The following IMPDH2 variants were observed in gnomAD, a reference collection of about 807,000 sequenced individuals.
IMPDH2 encodes the protein inosine monophosphate dehydrogenase 2, also known as inosine-5'-monophosphate dehydrogenase 2.
In IMPDH2, 33 loss-of-function variants were observed where a neutral mutation model predicts 57.8. That is an observed-to-expected ratio of 0.57 (90% CI 0.43 to 0.76). The LOEUF is 0.76. IMPDH2 is among the 30% of genes least tolerant of loss of function. IMPDH2 has a pLI of 0.00. For missense variants in IMPDH2, 446 were observed against 659.1 expected (o/e 0.68, Z 3.54); for synonymous variants, 270 against 241.3 (o/e 1.12, Z -1.10).
chr3:49,024,877 A>G lies in IMPDH2; in HGVS notation c.1295+19T>C. On this transcript the variant is annotated intron_variant, in intron 11 of 13. Transcript: ENST00000326739. ...GTCAGTGCAGGATTAGGGTGGGGTA[A>G]CTGGCTTGCCTGTCCCACCTGAAAT... 2.5e-6 allele frequency: 4 copies of G among 1,614,218 alleles called. No individual in the cohort carries two copies. Among genetic ancestry groups the G allele is most frequent in the Non-Finnish European group, 3.4e-6 (4 of 1,180,028 alleles).
Position 49,026,830 on chromosome 3 carries a change from C to G in IMPDH2, c.676G>C (p.Asp226His). 6.2e-7 allele frequency: 1 copy of G among 1,614,244 alleles called. No homozygotes were observed. The highest frequency in any genetic ancestry group is 8.5e-7 in the Non-Finnish European group (1 of 1,180,046). ...DELVAIIARTDLKKNRDYPLA... is the reference protein window; with the variant it reads ...DELVAIIARTHLKKNRDYPLA... ...GGGTAGTCCCGATTCTTCTTCAGGT[C>G]TGTCCGGGCAATGATGGCCACAAGC... is the stretch of plus-strand genomic sequence containing the variant. Residue 226 changes from aspartate (D) to histidine (H), a missense_variant, in exon 7 of 14, where the codon GAC becomes CAC. Transcript: ENST00000326739.
chr3:49,024,835 A>T, intron 11 of IMPDH2, 33 bp from the exon 12 acceptor site: 1 of 1,614,132 alleles, frequency 6.2e-7, no homozygotes, highest in Non-Finnish European at 8.5e-7. Flanking sequence ...GGGCAAGGTC[A>T]CAGCAGAGAT....
chr3:49,025,096 C>G, intron 10 of IMPDH2, 30 bp downstream of exon 10: 1 of 1,614,166 alleles, frequency 6.2e-7, no homozygotes, highest in Non-Finnish European at 8.5e-7. Flanking sequence ...GGAGGGGGTC[C>G]CACTGGCCTT....
chr3:49,024,451 G>C (rs371907916), intron 13 of IMPDH2, 44 bp downstream of exon 13: 163 of 1,614,028 alleles, frequency 1.0e-4, no homozygotes, highest in Non-Finnish European at 1.3e-4. Context: ...GAGAAAGGAG[G>C]CATGAGGTAT....
intron 5 of IMPDH2, among the ~76,000 whole-genome samples, chr3:49,027,411 T>TA (rs1559916723): frequency 1.3e-5 from 2 of 152,130 alleles, no homozygotes; most frequent in African/African-American, 4.8e-5. Flanking sequence ...AGCACCCTCT[T>TA]ACACTATGGA....
rs1346840107 is a variant in IMPDH2 at position 49,026,064 on chromosome 3, C to T, written c.1006+260G>A. The T allele has an allele frequency of 5.1e-6, 3 of 586,612 alleles. No individual in the cohort carries two copies. The African/African-American group carries it at 5.5e-5, about 11-fold the overall frequency. 36.3% of individuals were successfully genotyped at this position (586,612 alleles called of 1,614,324 possible). ...TTTATGTCTGGAGGGATCTTGGGAG[C>T]CACTAAATAAAACAAACAGACCAGA... is the stretch of plus-strand genomic sequence containing the variant. On this transcript the variant is annotated intron_variant, in intron 9 of 13. Transcript: ENST00000326739.
intron 9 of IMPDH2, chr3:49,025,878 G>A (rs568484273): frequency 5.2e-5 from 23 of 441,148 alleles, no homozygotes; most frequent in Non-Finnish European, 6.4e-5. Context: ...CATGGTCTGT[G>A]TATCAGTTGG....
Position 49,029,273 on chromosome 3 carries a change from G to A in IMPDH2, c.78C>T (p.Cys26=), listed in dbSNP as rs1476820746. The change falls in exon 1 of 14, where the codon TGC becomes TGT. Residue 26 remains cysteine, a synonymous_variant. Transcript: ENST00000326739. ...CGCACTTGTAGGTGAGGCCGTCTCC[G>A]CAGTTGAAGAGCTGCTGTGCTGTGA... ...DGLTAQQLFN[C]GDGLTYNDFL... 6.2e-7 allele frequency: 1 copy of A among 1,606,802 alleles called. No homozygotes were observed. Among genetic ancestry groups the A allele is most frequent in the Non-Finnish European group, 8.5e-7 (1 of 1,176,788 alleles).
intron 2 of IMPDH2, 71 bp downstream of exon 2, chr3:49,028,687 C>T: frequency 7.0e-7 from 1 of 1,430,414 alleles, no homozygotes; most frequent in East Asian, 2.3e-5. Flanking sequence ...GGTGAGTTAG[C>T]CCAGAGACCA....
intron 1 of IMPDH2, 27 bp from the exon 2 acceptor site, chr3:49,028,833 G>A: frequency 1.9e-6 from 3 of 1,600,678 alleles, no homozygotes; most frequent in South Asian, 1.1e-5. Flanking sequence ...TGAATTGGGA[G>A]TAAAGCTCTC....
At chr3:49,028,089 TTGC>T in intron 4 of IMPDH2, 156 bp downstream of exon 4, 1 of 781,956 alleles carries the variant, frequency 1.3e-6, no homozygotes, top group Non-Finnish European at 2.1e-6. Context: ...ACCTGGTCTA[TTGC>T]TGCTGCTTTA....
intron 1 of IMPDH2, 25 bp from the exon 2 acceptor site, chr3:49,028,831 G>T (rs566100635): frequency 1.9e-6 from 3 of 1,603,802 alleles, no homozygotes; most frequent in Admixed American, 3.3e-5. Flanking sequence ...AGTGAATTGG[G>T]AGTAAAGCTC....
Position 49,029,322 on chromosome 3 carries a change from G to T in IMPDH2, c.29C>A (p.Thr10Lys). The T allele has an allele frequency of 6.2e-7, 1 of 1,604,686 alleles. No homozygotes were observed. Among genetic ancestry groups the T allele is most frequent in the Non-Finnish European group, 8.5e-7 (1 of 1,175,932 alleles). Residue 10 changes from threonine to lysine, a missense_variant, in exon 1 of 14, where the codon ACG becomes AAG. Transcript: ENST00000326739. ...GAGTCCGTCGTCTGGCACGTAGGAC[G>T]TGCCCCCACTAATCAGGTAGTCGGC... MADYLISGG[T>K]SYVPDDGLTA... is the part of the protein sequence containing the mutation.
rs2093201778 is a variant in IMPDH2, at chr3:49,026,839, C to T, written c.667G>A (p.Ala223Thr). The part of the protein sequence containing the change: ...NEDDELVAII[A>T]RTDLKKNRDY... The stretch of plus-strand genomic sequence containing the variant: ...CGATTCTTCTTCAGGTCTGTCCGGG[C>T]AATGATGGCCACAAGCTCATCATCT... Residue 223 changes from alanine to threonine, a missense_variant, in exon 7 of 14, where the codon GCC becomes ACC. By Grantham distance (58) the Ala-to-Thr change is moderately conservative (BLOSUM62 0). Transcript: ENST00000326739. The T allele has an allele frequency of 6.2e-7, 1 of 1,614,096 alleles. No individual in the cohort carries two copies. The highest frequency in any genetic ancestry group is 8.5e-7 in the Non-Finnish European group (1 of 1,180,038).
intron 9 of IMPDH2, 28 bp downstream of exon 9, chr3:49,026,296 T>C (rs747135195): frequency 3.3e-6 from 5 of 1,496,556 alleles, no homozygotes; most frequent in Non-Finnish European, 4.6e-6. Flanking sequence ...CTGGGGTCTC[T>C]GTGGGCCCTA....
intron 9 of IMPDH2, chr3:49,025,481 C>G: frequency 1.7e-6 from 1 of 584,722 alleles, no homozygotes; most frequent in Non-Finnish European, 3.1e-6. Context: ...CACATGTGCA[C>G]GTGCATGTGT....
intron 11 of IMPDH2, 41 bp from the exon 12 acceptor site, chr3:49,024,843 G>A: frequency 6.2e-7 from 1 of 1,614,170 alleles, no homozygotes; most frequent in Non-Finnish European, 8.5e-7. Flanking sequence ...TCACAGCAGA[G>A]ATGAGACTGT....
intron 1 of IMPDH2, 45 bp downstream of exon 1, chr3:49,029,208 G>C: frequency 6.8e-7 from 1 of 1,470,496 alleles, no homozygotes. Context: ...TTTTCCCCAG[G>C]GTGCCGCCCC....
chr3:49,025,501 A>C, intron 9 of IMPDH2: 1 of 547,368 alleles, frequency 1.8e-6, no homozygotes. Context: ...TGCAGTGCCC[A>C]GGGCAGCCTC....
Sources: gnomAD v4.1 joint callset for allele counts (sites outside exome capture counted in the v4.1 genomes callset) on GRCh38, gnomAD v4.1.1 for gene constraint, MANE v1.5 for transcripts, NCBI Gene and HGNC (gene_info 2026-07-23, HGNC 2026-07-21) for gene names.